The following UBE2W variants were observed in gnomAD, a reference collection of about 807,000 sequenced individuals.
UBE2W encodes ubiquitin-conjugating enzyme E2 W.
Under a neutral mutation model 27.2 loss-of-function variants are expected in UBE2W, and 18 were observed. The observed-to-expected ratio is 0.66, with a 90% CI of 0.46 to 0.98. UBE2W has a LOEUF of 0.98. Among genes scored for constraint, UBE2W ranks in the 50% least tolerant of loss-of-function variants. The pLI is 0.00. For missense variants in UBE2W, 90 were observed against 180.2 expected (o/e 0.50, Z 2.87); for synonymous variants, 53 against 57.2 (o/e 0.93, Z 0.33).
chr8:73,851,058 C>T (rs1026159860), intron 1 of UBE2W, among the ~76,000 whole-genome samples: 1 of 151,960 alleles, frequency 6.6e-6, no homozygotes, highest in African/African-American at 2.4e-5. Flanking sequence ...GCCATGTTGC[C>T]CAGGCTGGTC....
chr8:73,861,319 A>G (rs1423586321), intron 1 of UBE2W, among the ~76,000 whole-genome samples: 1 of 152,174 alleles, frequency 6.6e-6, no homozygotes. Context: ...TAAGTTCAGC[A>G]TAGGTTGTAG....
At position 73,793,542 on chromosome 8, in the gene UBE2W, G is replaced by A. The variant is rs558581621; in HGVS notation, c.*560C>T. 40 of 985,812 alleles carry A rather than the reference G, an allele frequency of 4.1e-5. 1 individual carries two copies. In the South Asian group the frequency reaches 1.6e-3, roughly 41 times the overall value. The allele number at this position is 985,812 out of a possible 1,614,324, so 61.1% of individuals were successfully genotyped here. On this transcript the variant is annotated 3_prime_UTR_variant, in exon 6 of 6. Transcript: ENST00000602593. ...TCTTTCATTACAGTCCTTTAAAGAC[G>A]CATGTTAATTCATGCTGTTAACCTT...
In UBE2W at chr8:73,805,472, C is replaced by CAAAAAAAAAAAACAAACAAAAAAAAA; in HGVS notation, c.442+178_442+179insTTTTTTTTTGTTTGTTTTTTTTTTTT. ...TCCATCTCAAAAAAAAAAAAAAAAA[C>CAAAAAAAAAAAACAAACAAAAAAAAA]AAAAAAAACTAGGGTAATTCATCCA... is the stretch of plus-strand genomic sequence containing the variant. On this transcript the variant is annotated intron_variant, in intron 5 of 5. Transcript: ENST00000602593. Among the ~76,000 whole-genome samples the CAAAAAAAAAAAACAAACAAAAAAAAA allele has an allele frequency of 1.4e-4, 6 of 43,676 alleles. 1 individual carries two copies. Among genetic ancestry groups the CAAAAAAAAAAAACAAACAAAAAAAAA allele is most frequent in the Admixed American group, 7.7e-4 (2 of 2,584 alleles). 28.7% of individuals were successfully genotyped at this position (43,676 alleles called of 152,430 possible).
intron 3 of UBE2W, among the ~76,000 whole-genome samples, 189 bp from the exon 4 acceptor site, chr8:73,810,818 AATAACCAC>A (rs1403242093): frequency 1.3e-5 from 2 of 152,224 alleles, no homozygotes; most frequent in African/African-American, 4.8e-5. Context: ...TCACTGAACG[AATAACCAC>A]ATAGTAGGGA....
At chr8:73,835,928 A>C (rs1057140689) in intron 1 of UBE2W, among the ~76,000 whole-genome samples, 2 of 152,178 alleles carry the variant, frequency 1.3e-5, no homozygotes, top group African/African-American at 4.8e-5. Flanking sequence ...CCTTCAATTC[A>C]AATCAAGCTT....
At chr8:73,805,474 A>AAAAAAAAAAAAAAC (rs1563578043) in intron 5 of UBE2W, among the ~76,000 whole-genome samples, 177 bp downstream of exon 5, 4 of 144,332 alleles carry the variant, frequency 2.8e-5, no homozygotes, top group African/African-American at 7.5e-5. Flanking sequence ...AAAAAAAACA[A>AAAAAAAAAAAAAAC]AAAAAACTAG....
At chr8:73,847,415 AT>A (rs997237887) in intron 1 of UBE2W, among the ~76,000 whole-genome samples, 1 of 152,180 alleles carries the variant, frequency 6.6e-6, no homozygotes, top group Non-Finnish European at 1.5e-5. Context: ...CTGGTAAACA[AT>A]TTTATAAAAC....
At chr8:73,866,268 TAAAAA>T (rs10568367) in intron 1 of UBE2W, among the ~76,000 whole-genome samples, 915 of 42,092 alleles carry the variant, frequency 0.022, 24 homozygotes, top group African/African-American at 0.062. Flanking sequence ...AGACTTGGTC[TAAAAA>T]AAAAAAAAAA....
intron 2 of UBE2W, among the ~76,000 whole-genome samples, chr8:73,828,901 G>A (rs1340090778): frequency 6.6e-6 from 1 of 151,862 alleles, no homozygotes; most frequent in Admixed American, 6.6e-5. Flanking sequence ...GCTTCTTAAT[G>A]TGCTTTCATC....
At chr8:73,852,621 T>C (rs1368272292) in intron 1 of UBE2W, among the ~76,000 whole-genome samples, 1 of 152,174 alleles carries the variant, frequency 6.6e-6, no homozygotes, top group Non-Finnish European at 1.5e-5. Context: ...CAATTCAAAT[T>C]TTTTTACCTT....
Position 73,793,004 on chromosome 8 carries a change from C to T in UBE2W, c.*1098G>A, listed in dbSNP as rs1003697291. 186 of 985,076 alleles carry T rather than the reference C, an allele frequency of 1.9e-4. No homozygotes were observed. Among genetic ancestry groups the T allele is most frequent in the Non-Finnish European group, 2.2e-4 (182 of 829,492 alleles). The allele number at this position is 985,076 out of a possible 1,614,324, so 61.0% of individuals were successfully genotyped here. A position where few individuals can be genotyped will look rare whatever the true frequency, so the allele number is the denominator to read the frequency against. ...AAAATGTATTTCTTATTTTAGGGTA[C>T]AGGATTAAAGGACAAGATGATACTC... On this transcript the variant is annotated 3_prime_UTR_variant, in exon 6 of 6. Coordinates refer to ENST00000602593, the MANE Select transcript of UBE2W (RefSeq NM_018299.6).
chr8:73,817,518 GTT>G (rs1398647003), intron 3 of UBE2W, among the ~76,000 whole-genome samples: 1 of 151,572 alleles, frequency 6.6e-6, no homozygotes, highest in Non-Finnish European at 1.5e-5. Context: ...GACTTCAGAG[GTT>G]TTTTTTGTTT....
rs1808117863 is a variant in UBE2W at position 73,789,785 on chromosome 8, C to A, written c.*4317G>T. 5 of 504,280 alleles carry A rather than the reference C, an allele frequency of 9.9e-6. No homozygotes were observed. Among genetic ancestry groups the A allele is most frequent in the Non-Finnish European group, 1.0e-5 (4 of 390,738 alleles). The allele number at this position is 504,280 out of a possible 1,614,324, so 31.2% of individuals were successfully genotyped here. On this transcript the variant is annotated 3_prime_UTR_variant, in exon 6 of 6. Coordinates refer to ENST00000602593, the MANE Select transcript of UBE2W (RefSeq NM_018299.6). ...CCCAGGAGGTGGAGATTGAAATGAG[C>A]CAAGATCGTGCACTGCACTAAAGCC...
rs1563565526 is a variant in UBE2W at position 73,791,282 on chromosome 8, GAA to G, written c.*2818_*2819del. 5 of 917,672 alleles carry G rather than the reference GAA, an allele frequency of 5.4e-6. No individual in the cohort carries two copies. In the African/African-American group the frequency reaches 1.3e-4, roughly 24 times the overall value. The allele number at this position is 917,672 out of a possible 1,614,324, so 56.8% of individuals were successfully genotyped here. On this transcript the variant is annotated 3_prime_UTR_variant, in exon 6 of 6. Transcript: ENST00000602593. ...CTTGACCAAAGAAAAAAAAAAAAAA[GAA>G]GGGCATCATGTTCATGATCTAAGCA...
rs1203194119 is a variant in UBE2W at position 73,859,014 on chromosome 8, GT to G, written c.15+19793del. 2.0e-4 allele frequency among the ~76,000 whole-genome samples: 29 copies of G among 143,310 alleles called. No homozygotes were observed. In the East Asian group the frequency reaches 3.9e-3, roughly 19 times the overall value. 94.0% of individuals were successfully genotyped at this position (143,310 alleles called of 152,430 possible). A position where few individuals can be genotyped will look rare whatever the true frequency, so the allele number is the denominator to read the frequency against. ...TGTGTGTGTGTGTGTGTGTGTGTGT[GT>G]GTGGTGGTTTTTTTGCTTTCTTTTT... On this transcript the variant is annotated intron_variant, in intron 1 of 5. Transcript: ENST00000602593.
intron 1 of UBE2W, among the ~76,000 whole-genome samples, chr8:73,871,567 G>T (rs577447186): frequency 1.3e-5 from 2 of 152,236 alleles, no homozygotes; most frequent in South Asian, 4.1e-4. Context: ...TATTTTCTTA[G>T]AATAAAACAA....
At position 73,786,760 on chromosome 8, in the gene UBE2W, T is replaced by C. The variant is rs752833095; in HGVS notation, c.*7342A>G. 6.1e-6 allele frequency: 6 copies of C among 985,236 alleles called. No individual in the cohort carries two copies. The highest frequency in any genetic ancestry group is 2.3e-4 in the East Asian group (2 of 8,828). 61.0% of individuals were successfully genotyped at this position (985,236 alleles called of 1,614,324 possible). ...AATGGTAAGGAGACTGGAGAGAAGGTAGAAATCTCAGAGACATTTTAAAGT... is the reference window on the plus strand; with the variant it reads ...AATGGTAAGGAGACTGGAGAGAAGGCAGAAATCTCAGAGACATTTTAAAGT... On this transcript the variant is annotated 3_prime_UTR_variant, in exon 6 of 6. Transcript: ENST00000602593.
At chr8:73,833,831 G>A (rs1810194197) in intron 1 of UBE2W, 1 of 152,126 alleles carries the variant, frequency 6.6e-6, no homozygotes, top group African/African-American at 2.4e-5. Flanking sequence ...TCCCACTACT[G>A]ATTGGCATGG....
At position 73,854,775 on chromosome 8, in the gene UBE2W, G is replaced by A. The variant is rs541271494; in HGVS notation, c.15+24033C>T. The stretch of plus-strand genomic sequence containing the variant: ...AGTCGAAAACCCACATGTAACTTCC[G>A]ACTCCCCCAAAACTTAGCTACTAAT... On this transcript the variant is annotated intron_variant, in intron 1 of 5. Coordinates refer to ENST00000602593, the MANE Select transcript of UBE2W (RefSeq NM_018299.6). 2.2e-4 allele frequency among the ~76,000 whole-genome samples: 33 copies of A among 152,224 alleles called. No individual in the cohort carries two copies. In the South Asian group the frequency reaches 6.6e-3, roughly 31 times the overall value.
Sources: gnomAD v4.1 joint callset for allele counts (sites outside exome capture counted in the v4.1 genomes callset) on GRCh38, gnomAD v4.1.1 for gene constraint, MANE v1.5 for transcripts, NCBI Gene and HGNC (gene_info 2026-07-23, HGNC 2026-07-21) for gene names.